The following PIP4K2A variants were observed in gnomAD, a reference collection of about 807,000 sequenced individuals.
PIP4K2A encodes the protein phosphatidylinositol-5-phosphate 4-kinase type 2 alpha.
A neutral mutation model predicts 42.9 loss-of-function variants in PIP4K2A; 14 were observed. The ratio of observed to expected loss-of-function variants is 0.33; its 90% CI spans 0.22 to 0.51. The LOEUF (loss-of-function observed/expected upper bound fraction) is 0.51. PIP4K2A is among the 20% of genes least tolerant of loss of function. The pLI, the probability that PIP4K2A is intolerant of heterozygous loss-of-function variation, is 0.97. For missense variants in PIP4K2A, 434 were observed against 519.8 expected (o/e 0.83, Z 1.61); for synonymous variants, 192 against 192.2 (o/e 1.00, Z 0.01).
chr10:22,634,204 C>T (rs1179911264), intron 1 of PIP4K2A, among the ~76,000 whole-genome samples: 1 of 152,164 alleles, frequency 6.6e-6, no homozygotes, highest in East Asian at 1.9e-4. Context: ...ACCAAAGAGC[C>T]CAGCCAAAGA....
intron 1 of PIP4K2A, among the ~76,000 whole-genome samples, chr10:22,664,094 T>TATATATACATATATATAC (rs1265121435): frequency 1.2e-5 from 1 of 85,184 alleles, no homozygotes; most frequent in African/African-American, 8.5e-5. Context: ...TATATACATA[T>TATATATACATATATATAC]ATATATATAC....
intron 1 of PIP4K2A, among the ~76,000 whole-genome samples, chr10:22,707,720 G>A (rs1049052357): frequency 3.9e-5 from 6 of 152,130 alleles, no homozygotes; most frequent in Non-Finnish European, 5.9e-5. Context: ...CAGCCTATGC[G>A]TGTTCCCCCC....
chr10:22,647,324 ATG>A (rs774899830), intron 1 of PIP4K2A, among the ~76,000 whole-genome samples: 53 of 85,000 alleles, frequency 6.2e-4, no homozygotes, highest in Admixed American at 2.4e-3. Context: ...GTGTGTGTGT[ATG>A]TGTGTGTGTG....
chr10:22,635,561 T>TG lies in PIP4K2A; in HGVS notation c.145-25845dup, dbSNP rs1261247371. Among the ~76,000 whole-genome samples, 8 of 152,088 alleles carry TG rather than the reference T, an allele frequency of 5.3e-5. No homozygotes were observed. In the East Asian group the frequency reaches 1.3e-3, roughly 26 times the overall value. On this transcript the variant is annotated intron_variant, in intron 1 of 9. Transcript: ENST00000376573. ...CAGACCCTGAAGGAGGGAAAACACT[T>TG]GGATTTGGATTCTTATTCAAGAGAG...
intron 1 of PIP4K2A, among the ~76,000 whole-genome samples, chr10:22,652,577 T>C (rs1389737697): frequency 6.6e-6 from 1 of 152,238 alleles, no homozygotes; most frequent in African/African-American, 2.4e-5. Context: ...TACCTGTAAT[T>C]ATCTAGCATA....
chr10:22,554,165 T>C (rs1244023446), intron 6 of PIP4K2A, among the ~76,000 whole-genome samples: 1 of 152,028 alleles, frequency 6.6e-6, no homozygotes, highest in Admixed American at 6.6e-5. Context: ...AAAAACGAGA[T>C]GACAAAGGTT....
chr10:22,537,407 G>GTCTC lies in PIP4K2A; in HGVS notation c.1141-130_1141-127dup, dbSNP rs555881658. ...AGCAAGCAATTTTCAAATCCATGCA[G>GTCTC]TCTCTGCTCTGAAAAACATCACTCA... On this transcript the variant is annotated intron_variant, in intron 9 of 9. Coordinates refer to ENST00000376573, the MANE Select transcript of PIP4K2A (RefSeq NM_005028.5). 1,281 of 696,928 alleles carry GTCTC rather than the reference G, an allele frequency of 1.8e-3. 24 individuals carry two copies. The highest frequency in any genetic ancestry group is 0.016 in the South Asian group (864 of 55,088). 43.2% of individuals were successfully genotyped at this position (696,928 alleles called of 1,614,324 possible). A position where few individuals can be genotyped will look rare whatever the true frequency, so the allele number is the denominator to read the frequency against.
intron 1 of PIP4K2A, among the ~76,000 whole-genome samples, chr10:22,621,210 C>A (rs1838323527): frequency 6.6e-6 from 1 of 152,180 alleles, no homozygotes; most frequent in Non-Finnish European, 1.5e-5. Context: ...ATCCAACATC[C>A]TTTCCAGAGA....
intron 3 of PIP4K2A, among the ~76,000 whole-genome samples, chr10:22,605,148 T>C (rs1392921722): frequency 2.6e-5 from 4 of 152,016 alleles, no homozygotes; most frequent in Admixed American, 6.5e-5. Context: ...AAGAAGAGTA[T>C]ACCTCTGCAG....
At chr10:22,598,572 T>C (rs1283200044) in intron 3 of PIP4K2A, among the ~76,000 whole-genome samples, 1 of 152,132 alleles carries the variant, frequency 6.6e-6, no homozygotes, top group Non-Finnish European at 1.5e-5. Context: ...AAACCAGACA[T>C]GGGCAAAGGA....
intron 6 of PIP4K2A, among the ~76,000 whole-genome samples, chr10:22,557,138 G>C (rs921966383): frequency 1.3e-4 from 20 of 152,154 alleles, no homozygotes; most frequent in Admixed American, 1.2e-3. Flanking sequence ...TTGGCCAGGG[G>C]GTTGGGATTA....
intron 3 of PIP4K2A, among the ~76,000 whole-genome samples, chr10:22,592,796 G>C (rs1430981203): frequency 6.6e-6 from 1 of 152,168 alleles, no homozygotes; most frequent in Non-Finnish European, 1.5e-5. Context: ...CTCCATCCTT[G>C]CCGACTGCTC....
chr10:22,684,384 A>G (rs886723252), intron 1 of PIP4K2A, among the ~76,000 whole-genome samples: 9 of 152,188 alleles, frequency 5.9e-5, no homozygotes, highest in African/African-American at 1.9e-4. Flanking sequence ...TTTGCCAAAG[A>G]AAGTTGTTTA....
In PIP4K2A at chr10:22,643,836, G is replaced by A. The variant is rs544432061; in HGVS notation, c.145-34119C>T. ...CCCATTCCCTCCTCCTCCCTGAAGC[G>A]GTCATCCCCTCTGAAGCACCTACCA... is the stretch of plus-strand genomic sequence containing the variant. On this transcript the variant is annotated intron_variant, in intron 1 of 9. Transcript: ENST00000376573. Among the ~76,000 whole-genome samples, 15 of 151,952 alleles carry A rather than the reference G, an allele frequency of 9.9e-5. No homozygotes were observed. In the East Asian group the frequency reaches 1.7e-3, roughly 18 times the overall value.
chr10:22,593,524 A>T (rs1035212819), intron 3 of PIP4K2A, among the ~76,000 whole-genome samples: 2 of 152,224 alleles, frequency 1.3e-5, no homozygotes, highest in Non-Finnish European at 2.9e-5. Context: ...TTCTTTCCTA[A>T]AACATGAACA....
At chr10:22,538,272 C>T (rs1835988126) in intron 9 of PIP4K2A, among the ~76,000 whole-genome samples, 1 of 151,598 alleles carries the variant, frequency 6.6e-6, no homozygotes, top group East Asian at 1.9e-4. Flanking sequence ...TGCAAACTAC[C>T]TGTGATTTTA....
In PIP4K2A at chr10:22,536,744, CCACA is replaced by C. The variant is rs1159588544; in HGVS notation, c.*453_*456del. 1.1e-5 allele frequency: 1 copy of C among 93,744 alleles called. No homozygotes were observed. The highest frequency in any genetic ancestry group is 2.3e-5 in the Non-Finnish European group (1 of 44,004). 5.8% of individuals were successfully genotyped at this position (93,744 alleles called of 1,614,324 possible). A position where few individuals can be genotyped will look rare whatever the true frequency, so the allele number is the denominator to read the frequency against. ...AAAAAAAAAAAAAAAAAAAACTGATCCACAGTTTGTTGTGTGATGCCAACACGGT... is the reference window on the plus strand; with the variant it reads ...AAAAAAAAAAAAAAAAAAAACTGATCGTTTGTTGTGTGATGCCAACACGGT... On this transcript the variant is annotated 3_prime_UTR_variant, in exon 10 of 10. Transcript: ENST00000376573.
chr10:22,589,152 A>AT (rs1291252217), intron 4 of PIP4K2A, among the ~76,000 whole-genome samples: 1 of 152,208 alleles, frequency 6.6e-6, no homozygotes, highest in Non-Finnish European at 1.5e-5. Context: ...TATCATGGCC[A>AT]TTTTTTAGAA....
intron 6 of PIP4K2A, among the ~76,000 whole-genome samples, chr10:22,553,992 T>C (rs1252820487): frequency 6.6e-6 from 1 of 151,490 alleles, no homozygotes; most frequent in Non-Finnish European, 1.5e-5. Context: ...ATAAAACATA[T>C]GAGATAACCG....
Sources: allele counts gnomAD v4.1 joint callset (sites outside exome capture counted in the v4.1 genomes callset), GRCh38; gene constraint gnomAD v4.1.1; transcripts MANE v1.5; gene names NCBI Gene and HGNC (gene_info 2026-07-23, HGNC 2026-07-21).